The following FAM20C variants were observed in gnomAD, a reference collection of about 807,000 sequenced individuals.
FAM20C encodes the protein FAM20C golgi associated secretory pathway kinase, also known as extracellular serine/threonine protein kinase FAM20C.
A neutral mutation model predicts 51.5 loss-of-function variants in FAM20C; 40 were observed. The observed-to-expected ratio is 0.78, with a 90% CI of 0.60 to 1.01. The LOEUF (loss-of-function observed/expected upper bound fraction) is 1.01, where lower values mean the gene tolerates loss of function less well. Ranked by LOEUF, FAM20C falls within the 50% of genes least tolerant of loss-of-function variation. FAM20C has a pLI of 0.00. For synonymous variants in FAM20C, 406 were observed against 380.6 expected (o/e 1.07, Z -0.78); for missense variants, 861 against 844.7 (o/e 1.02, Z -0.24).
chr7:223,752 C>T (rs990121372), intron 3 of FAM20C, among the ~76,000 whole-genome samples: 6 of 152,228 alleles, frequency 3.9e-5, no homozygotes, highest in African/African-American at 1.4e-4. Flanking sequence ...AGGTAGAGGA[C>T]GTTCACGTTG....
intron 5 of FAM20C, among the ~76,000 whole-genome samples, chr7:253,333 T>C (rs1406981152): frequency 6.6e-6 from 1 of 152,188 alleles, no homozygotes; most frequent in Non-Finnish European, 1.5e-5. Context: ...TGGGAGACGC[T>C]TGAGCCGCAG....
intron 3 of FAM20C, among the ~76,000 whole-genome samples, chr7:237,795 A>G (rs1787893152): frequency 6.6e-6 from 1 of 152,102 alleles, no homozygotes; most frequent in Non-Finnish European, 1.5e-5. Flanking sequence ...TAAGGATGAT[A>G]ATGATGGTGG....
intron 3 of FAM20C, chr7:228,652 T>A (rs971990627): frequency 2.2e-6 from 1 of 456,216 alleles, no homozygotes; most frequent in Non-Finnish European, 4.4e-6. Context: ...GAAGCTCAGG[T>A]TTGGACAACT....
intron 3 of FAM20C, among the ~76,000 whole-genome samples, chr7:245,492 C>A (rs1395608984): frequency 1.3e-5 from 2 of 151,852 alleles, no homozygotes; most frequent in African/African-American, 2.4e-5. Flanking sequence ...CTGGGCCTGG[C>A]CTGGGTGGAC....
Position 241,579 on chromosome 7 carries a change from T to TGTGC in FAM20C, c.864-4835_864-4834insTGCG, listed in dbSNP as rs1347984314. Among the ~76,000 whole-genome samples, 116 of 150,408 alleles carry TGTGC rather than the reference T, an allele frequency of 7.7e-4. 1 individual carries two copies. The highest frequency in any genetic ancestry group is 2.7e-3 in the African/African-American group (110 of 40,932). Reference sequence around the variant, plus strand: ...GGTTGTGTGTGTGTGTGTGTGTGTGTGCACTCCTGCGAGTGTGCATATATG... The same window carrying TGTGC: ...GGTTGTGTGTGTGTGTGTGTGTGTGTGTGCGCACTCCTGCGAGTGTGCATATATG... On this transcript the variant is annotated intron_variant, in intron 3 of 9. Coordinates refer to ENST00000313766, the MANE Select transcript of FAM20C (RefSeq NM_020223.4).
intron 3 of FAM20C, chr7:229,541 T>A (rs1405364025): frequency 6.6e-6 from 1 of 152,484 alleles, no homozygotes; most frequent in East Asian, 1.9e-4. Context: ...CGGTGGCACA[T>A]CGTGAGAATG....
intron 3 of FAM20C, chr7:228,165 G>A (rs1787517471): frequency 6.3e-6 from 2 of 319,704 alleles, no homozygotes; most frequent in African/African-American, 2.2e-5. Flanking sequence ...ACACCAGGGG[G>A]GAAAGCCATC....
intron 3 of FAM20C, among the ~76,000 whole-genome samples, chr7:237,424 G>A (rs1358506832): frequency 6.6e-6 from 1 of 152,230 alleles, no homozygotes; most frequent in Non-Finnish European, 1.5e-5. Flanking sequence ...CAGCAACAGT[G>A]GTGGAGATAA....
At position 193,807 on chromosome 7, in the gene FAM20C, G is replaced by T. The variant is rs762471930; in HGVS notation, c.605+3G>T. On this transcript the variant is annotated splice_donor_region_variant and intron_variant, in intron 1 of 9. Coordinates refer to ENST00000313766, the MANE Select transcript of FAM20C (RefSeq NM_020223.4). ...AAAGCGGCGGAGAACCCGGACTGGTGAGTGGGGGCTGGCAGGTGCCCACCC... is the reference window on the plus strand; with the variant it reads ...AAAGCGGCGGAGAACCCGGACTGGTTAGTGGGGGCTGGCAGGTGCCCACCC... 6.4e-7 allele frequency: 1 copy of T among 1,555,330 alleles called. No homozygotes were observed. Among genetic ancestry groups the T allele is most frequent in the South Asian group, 1.2e-5 (1 of 84,332 alleles).
At chr7:251,013 T>A (rs1325236493) in intron 5 of FAM20C, among the ~76,000 whole-genome samples, 2 of 152,026 alleles carry the variant, frequency 1.3e-5, no homozygotes, top group Non-Finnish European at 1.5e-5. Flanking sequence ...CAGGGAGGGG[T>A]CAATGATGCC....
rs1450346392 is a variant in FAM20C at position 257,997 on chromosome 7, CT to C, written c.1446-648del. Among the ~76,000 whole-genome samples, 3 of 99,882 alleles carry C rather than the reference CT, an allele frequency of 3.0e-5. 1 individual carries two copies. The highest frequency in any genetic ancestry group is 1.2e-4 in the African/African-American group (3 of 24,494). 65.5% of individuals were successfully genotyped at this position (99,882 alleles called of 152,430 possible). On this transcript the variant is annotated intron_variant, in intron 8 of 9. Transcript: ENST00000313766. ...GAGATAGGCAGTGTGGACCCACTGCCTGGGGTGCTGGAGATGGGGCTGGGTG... is the reference window on the plus strand; with the variant it reads ...GAGATAGGCAGTGTGGACCCACTGCCGGGGTGCTGGAGATGGGGCTGGGTG...
Position 259,811 on chromosome 7 carries a change from TGCGGG to T in FAM20C, c.1588_1592del (p.Arg530GlyfsTer41). 1 of 1,536,538 alleles carries T rather than the reference TGCGGG, an allele frequency of 6.5e-7. No homozygotes were observed. The highest frequency in any genetic ancestry group is 8.7e-7 in the Non-Finnish European group (1 of 1,146,898). On this transcript the variant is annotated frameshift_variant, in exon 10 of 10. Coordinates refer to ENST00000313766, the MANE Select transcript of FAM20C (RefSeq NM_020223.4). LOFTEE classifies it low-confidence loss of function (END_TRUNC). Reference sequence around the variant, plus strand: ...CTGAGCCTGCTGATGGCCGAGTCTCTGCGGGGGGACCAGGTGGCACCCGTGCTGTA... The same window carrying T: ...CTGAGCCTGCTGATGGCCGAGTCTCTGGGACCAGGTGGCACCCGTGCTGTA...
intron 3 of FAM20C, among the ~76,000 whole-genome samples, chr7:211,662 C>T (rs950691681): frequency 1.7e-4 from 26 of 152,086 alleles, no homozygotes; most frequent in Non-Finnish European, 3.1e-4. Context: ...TGCTGTCACC[C>T]GGGGAGGCCA....
chr7:193,279 T>G lies in FAM20C; in HGVS notation c.80T>G (p.Leu27Arg), dbSNP rs1175538122. The G allele has an allele frequency of 6.9e-7, 1 of 1,445,168 alleles. No individual in the cohort carries two copies. The allele number at this position is 1,445,168 out of a possible 1,614,324, so 89.5% of individuals were successfully genotyped here. Residue 27 changes from leucine to arginine, a missense_variant, in exon 1 of 10, where the codon CTG (leucine) becomes CGG (arginine). Around this residue, in one of 3 missense-constraint regions of FAM20C, gnomAD observed 561 missense variants for 499.8 expected, o/e 1.12. Transcript: ENST00000313766. ...FLVACALHIA[L>R]DLLPRLERRG... is the part of the protein sequence containing the mutation. The stretch of plus-strand genomic sequence containing the variant: ...GTGGCCTGCGCGCTGCACATCGCCC[T>G]GGACCTGCTGCCCAGGCTGGAGCGA...
At chr7:255,706 G>A (rs1788562687) in intron 5 of FAM20C, 143 bp from the exon 6 acceptor site, 2 of 820,136 alleles carry the variant, frequency 2.4e-6, no homozygotes, top group South Asian at 3.3e-5. Context: ...GGAGGTGTTT[G>A]CTGGGATTGA....
chr7:253,766 T>C (rs1431752913), intron 5 of FAM20C, among the ~76,000 whole-genome samples: 2 of 150,776 alleles, frequency 1.3e-5, no homozygotes, highest in African/African-American at 4.9e-5. Flanking sequence ...GATTTGGATC[T>C]GCAAAGAGAA....
intron 3 of FAM20C, among the ~76,000 whole-genome samples, chr7:216,921 G>A (rs574970667): frequency 1.3e-5 from 2 of 152,254 alleles, no homozygotes; most frequent in African/African-American, 4.8e-5. Context: ...TCTCCGGGCA[G>A]CAGAGCTTGA....
At chr7:209,766 AT>A (rs890034833) in intron 3 of FAM20C, among the ~76,000 whole-genome samples, 26 of 151,994 alleles carry the variant, frequency 1.7e-4, no homozygotes, top group East Asian at 3.9e-4. Context: ...AGAAATATGG[AT>A]TTTTTTTTCC....
In FAM20C at chr7:193,526, A is replaced by G; in HGVS notation, c.327A>G (p.Lys109=). The G allele has an allele frequency of 6.7e-7, 1 of 1,498,012 alleles. No individual in the cohort carries two copies. The allele number at this position is 1,498,012 out of a possible 1,614,324, so 92.8% of individuals were successfully genotyped here. The change falls in exon 1 of 10, where the codon AAA becomes AAG. Residue 109 remains lysine, a synonymous_variant. Coordinates refer to ENST00000313766, the MANE Select transcript of FAM20C (RefSeq NM_020223.4). ...SSNLSSHSLE[K]LPPAAEPAER... is the part of the protein sequence containing the mutation. Reference sequence around the variant, plus strand: ...ACCTCTCGTCCCACTCGCTGGAGAAACTGCCGCCCGCGGCCGAGCCGGCCG... The same window carrying G: ...ACCTCTCGTCCCACTCGCTGGAGAAGCTGCCGCCCGCGGCCGAGCCGGCCG...
Sources: gnomAD v4.1 joint callset for allele counts (sites outside exome capture counted in the v4.1 genomes callset) on GRCh38, gnomAD v4.1.1 for gene constraint, gnomAD v4.1.1 regional missense constraint, MANE v1.5 for transcripts, NCBI Gene and HGNC (gene_info 2026-07-23, HGNC 2026-07-21) for gene names.